Variants in SCMH1 observed in about 807,000 individuals in gnomAD.
SCMH1 encodes the protein polycomb protein SCMH1.
SCMH1 carries 37 observed loss-of-function variants against 70.8 expected under a neutral mutation model. That is an observed-to-expected ratio of 0.52 (90% confidence interval 0.40 to 0.69). The LOEUF is 0.69. SCMH1 is among the 30% of genes least tolerant of loss of function. The probability of loss-of-function intolerance (pLI) is 0.00; values close to 1 mark genes in which losing one functional copy is unlikely to be tolerated. For synonymous variants in SCMH1, 292 were observed against 307.4 expected, an observed-to-expected ratio of 0.95 and a Z score of 0.52; for missense variants, 607 against 827.3, an observed-to-expected ratio of 0.73 and a Z score of 3.27.
At chr1:41,177,360 C>T (rs972878851) in intron 2 of SCMH1, among the ~76,000 whole-genome samples, 4 of 152,140 alleles carry the variant, frequency 2.6e-5, no homozygotes, top group African/African-American at 9.7e-5. Flanking sequence ...AACACAGCTC[C>T]CCACCAGCAA....
At chr1:41,140,513 G>A (rs1355309382) in intron 6 of SCMH1, among the ~76,000 whole-genome samples, 4 of 152,004 alleles carry the variant, frequency 2.6e-5, no homozygotes, top group Admixed American at 6.6e-5. Flanking sequence ...GAATGATCTC[G>A]ATCTCCTGAC....
intron 10 of SCMH1, among the ~76,000 whole-genome samples, chr1:41,067,647 T>A (rs1655117825): frequency 6.6e-6 from 1 of 151,830 alleles, no homozygotes; most frequent in Non-Finnish European, 1.5e-5. Context: ...CAGGGATTAG[T>A]GGGGAGGGAG....
intron 2 of SCMH1, among the ~76,000 whole-genome samples, chr1:41,171,165 C>T (rs1646757702): frequency 6.6e-6 from 1 of 152,146 alleles, no homozygotes; most frequent in Non-Finnish European, 1.5e-5. Context: ...AACATTGAGC[C>T]CCTGATATGG....
intron 1 of SCMH1, among the ~76,000 whole-genome samples, chr1:41,194,983 T>C (rs998934501): frequency 6.6e-6 from 1 of 151,674 alleles, no homozygotes; most frequent in African/African-American, 2.4e-5. Context: ...AATACAAAAT[T>C]AGCTGCGCTT....
intron 6 of SCMH1, 34 bp from the exon 7 acceptor site, chr1:41,117,044 T>C (rs375170944): frequency 1.3e-6 from 2 of 1,569,038 alleles, no homozygotes; most frequent in African/African-American, 1.4e-5. Flanking sequence ...AGATTAAAAG[T>C]ATGTTTCAAA....
At chr1:41,232,476 C>T (rs983184268) in intron 1 of SCMH1, among the ~76,000 whole-genome samples, 70 of 152,182 alleles carry the variant, frequency 4.6e-4, no homozygotes, top group African/African-American at 1.6e-3. Context: ...TAAACTTTGC[C>T]TCCTGTACTG....
chr1:41,060,523 A>T (rs1313278223), intron 10 of SCMH1, among the ~76,000 whole-genome samples: 1 of 152,182 alleles, frequency 6.6e-6, no homozygotes, highest in East Asian at 1.9e-4. Flanking sequence ...TGCAAGAAAC[A>T]TTAAAAGAGG....
chr1:41,183,484 A>C (rs1027282166), intron 2 of SCMH1, among the ~76,000 whole-genome samples: 1 of 152,098 alleles, frequency 6.6e-6, no homozygotes, highest in African/African-American at 2.4e-5. Flanking sequence ...GGAAATTCCT[A>C]TTTATTCCTC....
At chr1:41,174,194 C>G (rs1028206651) in intron 2 of SCMH1, among the ~76,000 whole-genome samples, 1 of 151,590 alleles carries the variant, frequency 6.6e-6, no homozygotes, top group Non-Finnish European at 1.5e-5. Flanking sequence ...TCACACTGTA[C>G]CCAATAAATA....
intron 1 of SCMH1, among the ~76,000 whole-genome samples, chr1:41,218,710 G>A (rs1347800713): frequency 6.6e-6 from 1 of 152,130 alleles, no homozygotes; most frequent in Non-Finnish European, 1.5e-5. Context: ...TACCAGGCAT[G>A]GTATTAAGTG....
intron 1 of SCMH1, among the ~76,000 whole-genome samples, chr1:41,221,493 A>G (rs1205829561): frequency 6.8e-6 from 1 of 146,498 alleles, no homozygotes; most frequent in Non-Finnish European, 1.6e-5. Context: ...TTTCTACAAA[A>G]ACAAAAAAAA....
intron 1 of SCMH1, among the ~76,000 whole-genome samples, chr1:41,208,253 A>C: frequency 9.3e-6 from 1 of 107,484 alleles, no homozygotes; most frequent in South Asian, 3.9e-4. Context: ...AGGAAGGGGA[A>C]TATCACACTC....
chr1:41,193,526 G>A (rs192590745), intron 1 of SCMH1, among the ~76,000 whole-genome samples: 4 of 146,104 alleles, frequency 2.7e-5, no homozygotes, highest in Admixed American at 7.4e-5. Flanking sequence ...CCAGGGGTTG[G>A]GGGGGGGTTG....
intron 8 of SCMH1, among the ~76,000 whole-genome samples, chr1:41,078,463 A>C (rs1194395963): frequency 6.6e-6 from 1 of 152,198 alleles, no homozygotes; most frequent in East Asian, 1.9e-4. Context: ...ATAATTGTCA[A>C]ACTGCTGAAA....
intron 1 of SCMH1, among the ~76,000 whole-genome samples, chr1:41,192,656 C>T (rs1300334156): frequency 2.6e-5 from 4 of 152,082 alleles, no homozygotes; most frequent in Admixed American, 1.3e-4. Context: ...GGAGTGTTTA[C>T]TTCAAAATTT....
At chr1:41,197,459 C>T (rs1653296366) in intron 1 of SCMH1, among the ~76,000 whole-genome samples, 2 of 152,080 alleles carry the variant, frequency 1.3e-5, no homozygotes, top group African/African-American at 4.8e-5. Context: ...AACTACTGTA[C>T]GATTCTACTT....
intron 1 of SCMH1, among the ~76,000 whole-genome samples, chr1:41,219,005 C>T (rs562342706): frequency 6.6e-6 from 1 of 152,206 alleles, no homozygotes; most frequent in Admixed American, 6.5e-5. Context: ...AAGAACAAAC[C>T]ATATGATTAG....
At chr1:41,229,702 C>T (rs1201065856) in intron 1 of SCMH1, among the ~76,000 whole-genome samples, 1 of 151,870 alleles carries the variant, frequency 6.6e-6, no homozygotes, top group Non-Finnish European at 1.5e-5. Context: ...AACAAACCTG[C>T]ACATTGTGCA....
At chr1:41,056,830 G>T (rs1281250773) in intron 10 of SCMH1, among the ~76,000 whole-genome samples, 1 of 152,178 alleles carries the variant, frequency 6.6e-6, no homozygotes, top group African/African-American at 2.4e-5. Context: ...TTGCCTCCAG[G>T]AGCTCAACCG....
Sources: gnomAD v4.1 joint callset for allele counts (sites outside exome capture counted in the v4.1 genomes callset) on GRCh38, gnomAD v4.1.1 for gene constraint, MANE v1.5 for transcripts, NCBI Gene and HGNC (gene_info 2026-07-23, HGNC 2026-07-21) for gene names.